VWF: variants seen among roughly 807,000 people sequenced by gnomAD.
The protein encoded by VWF is von Willebrand factor, also known as Factor VIII related antigen.
VWF carries 176 observed loss-of-function variants against 308.6 expected under a neutral mutation model. The ratio of observed to expected loss-of-function variants is 0.57; its 90% CI spans 0.50 to 0.65. The LOEUF is 0.65. Among genes scored for constraint, VWF ranks in the 30% least tolerant of loss-of-function variants. The probability of loss-of-function intolerance (pLI) is 0.00; values close to 1 mark genes in which losing one functional copy is unlikely to be tolerated. For synonymous variants in VWF, 1,385 were observed against 1,443.4 expected, an observed-to-expected ratio of 0.96 and a Z score of 0.92; for missense variants, 3,146 against 3,648.2, an observed-to-expected ratio of 0.86 and a Z score of 3.55.
Position 6,060,061 on chromosome 12 carries a change from C to T in VWF, c.1534-2017G>A, listed in dbSNP as rs1411165585. On this transcript the variant is annotated intron_variant, in intron 13 of 51. Coordinates refer to ENST00000261405, the MANE Select transcript of VWF (RefSeq NM_000552.5). The surrounding 1 kb of genome is among the most constrained non-coding windows in gnomAD (Gnocchi z 5.1). ...ACTCTAAAACCAGGTCTTCTCCCAT[C>T]CCCTTGGCTTGTCTCGGAGGTCAGC... 6.6e-6 allele frequency among the ~76,000 whole-genome samples: 1 copy of T among 152,122 alleles called. No homozygotes were observed. The highest frequency in any genetic ancestry group is 2.4e-5 in the African/African-American group (1 of 41,426).
In VWF at chr12:5,948,992, G is replaced by A. The variant is rs1387354384; in HGVS notation, c.*23C>T. 6.2e-7 allele frequency: 1 copy of A among 1,605,452 alleles called. No individual in the cohort carries two copies. ...ATCAGGCCAAGGCAGGCAGCAGCAGGCACCCATGCAGCTGCAGCAGCCTCA... is the reference window on the plus strand; with the variant it reads ...ATCAGGCCAAGGCAGGCAGCAGCAGACACCCATGCAGCTGCAGCAGCCTCA... On this transcript the variant is annotated 3_prime_UTR_variant, in exon 52 of 52. Transcript: ENST00000261405. This position sits in a 1 kb window ranked among gnomAD's most constrained non-coding sequence, Gnocchi z 4.4.
At position 6,079,534 on chromosome 12, in the gene VWF, C is replaced by CG. The variant is rs1200109807; in HGVS notation, c.658-3984dup. Among the ~76,000 whole-genome samples the CG allele has an allele frequency of 5.9e-5, 9 of 151,668 alleles. No individual in the cohort carries two copies. The East Asian group carries it at 1.7e-3, about 29-fold the overall frequency. On this transcript the variant is annotated intron_variant, in intron 6 of 51. Coordinates refer to ENST00000261405, the MANE Select transcript of VWF (RefSeq NM_000552.5). ...CTGAGGCAGGAGAATGGCATGAAGC[C>CG]GGGAGGCAACGCTTGCAGTGAGCTG...
chr12:6,079,345 A>G (rs991883761), intron 6 of VWF, among the ~76,000 whole-genome samples: 39 of 152,260 alleles, frequency 2.6e-4, no homozygotes, highest in South Asian at 6.2e-4. Flanking sequence ...GGTGGCTCAC[A>G]CCTGTAATCC....
At chr12:5,968,272 C>G in intron 45 of VWF, 105 bp from the exon 46 acceptor site, 1 of 1,424,752 alleles carries the variant, frequency 7.0e-7, no homozygotes, top group Non-Finnish European at 9.7e-7. Flanking sequence ...CTGGGCCTCC[C>G]TCCTGTATCG....
rs144420232 is a variant in VWF at position 5,953,284 on chromosome 12, C to T, written c.7986+212G>A. On this transcript the variant is annotated intron_variant, in intron 48 of 51. Transcript: ENST00000261405. ...ATTGTGAGGCCCTACACCAAGTACA[C>T]TCTTGTCAAGAAGAGCAACAAAATA... Among the ~76,000 whole-genome samples the T allele has an allele frequency of 2.0e-5, 3 of 152,204 alleles. No individual in the cohort carries two copies. The East Asian group carries it at 5.8e-4, about 29-fold the overall frequency.
chr12:6,013,258 A>C (rs1384768830), intron 32 of VWF, among the ~76,000 whole-genome samples: 1 of 152,238 alleles, frequency 6.6e-6, no homozygotes, highest in Admixed American at 6.5e-5. Context: ...GAGTGGAAAT[A>C]GGACCATACA....
At chr12:6,051,770 C>A (rs1944516357) in intron 16 of VWF, among the ~76,000 whole-genome samples, 1 of 152,038 alleles carries the variant, frequency 6.6e-6, no homozygotes, top group Non-Finnish European at 1.5e-5. Context: ...CCACCATGGC[C>A]AACTATTTTT....
intron 3 of VWF, among the ~76,000 whole-genome samples, chr12:6,115,673 G>C (rs150733066): frequency 6.6e-6 from 1 of 152,114 alleles, no homozygotes; most frequent in Non-Finnish European, 1.5e-5. Flanking sequence ...ACGGAGAAAC[G>C]AAGGCCTAGG....
At chr12:6,005,872 A>G (rs1943919972) in intron 34 of VWF, among the ~76,000 whole-genome samples, 1 of 152,232 alleles carries the variant, frequency 6.6e-6, no homozygotes, top group South Asian at 2.1e-4. Flanking sequence ...AAGGGAGTCC[A>G]TCATGTTGAA....
chr12:6,022,325 C>T (rs1944138109), intron 26 of VWF, among the ~76,000 whole-genome samples: 1 of 152,140 alleles, frequency 6.6e-6, no homozygotes, highest in Non-Finnish European at 1.5e-5. Flanking sequence ...TTCTGAATAA[C>T]ACCTTCAGTA....
chr12:5,990,324 T>C (rs867582696), intron 38 of VWF, among the ~76,000 whole-genome samples: 1 of 152,216 alleles, frequency 6.6e-6, no homozygotes, highest in Non-Finnish European at 1.5e-5. Flanking sequence ...CCTCATGCCA[T>C]TGAGCCTCAG....
Position 6,019,163 on chromosome 12 carries a change from G to T in VWF, c.4255C>A (p.His1419Asn), listed in dbSNP as rs375498783. Residue 1419 changes from histidine to asparagine, a missense_variant, in exon 28 of 52, where the codon CAT (histidine) becomes AAT (asparagine). Coordinates refer to ENST00000261405, the MANE Select transcript of VWF (RefSeq NM_000552.5). The surrounding 1 kb of genome is among the most constrained non-coding windows in gnomAD (Gnocchi z 5.8). ...VIVIPVGIGP[H>N]ANLKQIRLIE... ...AGGCGGATCTGCTTGAGGTTGGCAT[G>T]GGGCCCAATGCCCACCGGGATCACA... 60 of 1,613,782 alleles carry T rather than the reference G, an allele frequency of 3.7e-5. No individual in the cohort carries two copies. In the Middle Eastern group the frequency reaches 8.2e-4, roughly 22 times the overall value.
At chr12:5,979,116 CTT>C (rs1358789270) in intron 42 of VWF, among the ~76,000 whole-genome samples, 1 of 152,240 alleles carries the variant, frequency 6.6e-6, no homozygotes, top group Non-Finnish European at 1.5e-5. Context: ...CAAAAAACCT[CTT>C]TCGCTGTCCT....
chr12:5,990,721 C>G (rs1038471436), intron 38 of VWF, among the ~76,000 whole-genome samples: 2 of 151,878 alleles, frequency 1.3e-5, no homozygotes, highest in Non-Finnish European at 2.9e-5. Context: ...CACATGTACA[C>G]GTTCACATGT....
intron 48 of VWF, 125 bp from the exon 49 acceptor site, chr12:5,952,644 T>C (rs1473123368): frequency 1.5e-6 from 2 of 1,356,274 alleles, no homozygotes; most frequent in South Asian, 2.5e-5. Flanking sequence ...AAGAAGACAG[T>C]GTATAATAAA....
chr12:6,029,529 C>A lies in VWF; in HGVS notation c.2821-41G>T, dbSNP rs113608895. The A allele has an allele frequency of 6.9e-4, 1,105 of 1,612,200 alleles. 6 individuals are homozygous for A. In the African/African-American group the frequency reaches 7.8e-3, roughly 11 times the overall value. ...GCAAGAAATCCAGGAGGATGAAGGGCAGGCTCGACAGCCAGATCCTCCCTC... is the reference window on the plus strand; with the variant it reads ...GCAAGAAATCCAGGAGGATGAAGGGAAGGCTCGACAGCCAGATCCTCCCTC... On this transcript the variant is annotated intron_variant, in intron 21 of 51. Coordinates refer to ENST00000261405, the MANE Select transcript of VWF (RefSeq NM_000552.5).
At chr12:6,122,396 G>C (rs552101873) in intron 2 of VWF, among the ~76,000 whole-genome samples, 3 of 152,312 alleles carry the variant, frequency 2.0e-5, no homozygotes, top group African/African-American at 7.2e-5. Context: ...CTCCTCCGGC[G>C]TCACAGGCTA....
intron 14 of VWF, 121 bp from the exon 15 acceptor site, chr12:6,057,193 G>A (rs990351530): frequency 2.2e-6 from 2 of 911,586 alleles, no homozygotes; most frequent in Non-Finnish European, 3.2e-6. Flanking sequence ...AGGTCACGCA[G>A]AGAAATCTGC....
intron 5 of VWF, among the ~76,000 whole-genome samples, chr12:6,096,980 A>T (rs1305869466): frequency 6.6e-6 from 1 of 151,900 alleles, no homozygotes; most frequent in Non-Finnish European, 1.5e-5. Flanking sequence ...GATAGGCAGA[A>T]AAAGATCCCC....
Sources: allele counts gnomAD v4.1 joint callset (sites outside exome capture counted in the v4.1 genomes callset), GRCh38; gene constraint gnomAD v4.1.1; non-coding constraint Gnocchi (gnomAD v3.1); transcripts MANE v1.5; gene names NCBI Gene and HGNC (gene_info 2026-07-23, HGNC 2026-07-21).